The following CCDC142 variants were observed in gnomAD, a reference collection of about 807,000 sequenced individuals.
The protein encoded by CCDC142 is coiled-coil domain containing 142.
Under a neutral mutation model 83.8 loss-of-function variants are expected in CCDC142, and 67 were observed. The observed-to-expected ratio is 0.80, with a 90% confidence interval of 0.66 to 0.98. The LOEUF is 0.98. CCDC142 is among the 50% of genes least tolerant of loss of function. The pLI is 0.00. For synonymous variants in CCDC142, 421 were observed against 421.2 expected (o/e 1.00, Z 0.01); for missense variants, 905 against 946.8 (o/e 0.96, Z 0.58).
At position 74,481,925 on chromosome 2, in the gene CCDC142, A is replaced by G; in HGVS notation, c.913T>C (p.Tyr305His). ...CAGGCTGCCCACAGCAGGGTCCAGT[A>G]TTGGCTCCACAAGGCCCCAGCCCCT... ...LGGAGALWSQ[Y>H]WTLLWAACAQ... The change falls in exon 1 of 9, where the codon TAC (tyrosine) becomes CAC (histidine). Residue 305 changes from tyrosine (Y) to histidine (H), a missense_variant. Transcript: ENST00000393965. 1.9e-6 allele frequency: 3 copies of G among 1,614,048 alleles called. No homozygotes were observed. Among genetic ancestry groups the G allele is most frequent in the Non-Finnish European group, 2.5e-6 (3 of 1,180,010 alleles).
At position 74,475,712 on chromosome 2, in the gene CCDC142, C is replaced by T; in HGVS notation, c.1518G>A (p.Glu506=). ...LTAQIQLLPE[E]SLSVFSQECH... ...ATTCTTGAGAAAAGACACTTAGTGACTCTTCAGGCAGGAGCTGTAGGGATA... is the reference window on the plus strand; with the variant it reads ...ATTCTTGAGAAAAGACACTTAGTGATTCTTCAGGCAGGAGCTGTAGGGATA... The change falls in exon 6 of 9, where the codon GAG becomes GAA. Residue 506 remains glutamate, a synonymous_variant. Transcript: ENST00000393965. 6.2e-7 allele frequency: 1 copy of T among 1,612,688 alleles called. No homozygotes were observed. The highest frequency in any genetic ancestry group is 2.2e-5 in the East Asian group (1 of 44,866).
intron 5 of CCDC142, among the ~76,000 whole-genome samples, chr2:74,479,909 AGAG>A (rs1277133670): frequency 6.6e-6 from 1 of 152,214 alleles, no homozygotes; most frequent in Non-Finnish European, 1.5e-5. Context: ...AACTTTTAAG[AGAG>A]GAGAAATGTG....
intron 5 of CCDC142, among the ~76,000 whole-genome samples, chr2:74,477,355 T>C (rs1672346462): frequency 6.6e-6 from 1 of 152,178 alleles, no homozygotes; most frequent in Non-Finnish European, 1.5e-5. Flanking sequence ...TGACCTCAAG[T>C]TATCCACCCA....
chr2:74,481,051 G>A lies in CCDC142; in HGVS notation c.1294C>T (p.Gln432Ter). 6.2e-7 allele frequency: 1 copy of A among 1,614,054 alleles called. No homozygotes were observed. Among genetic ancestry groups the A allele is most frequent in the Non-Finnish European group, 8.5e-7 (1 of 1,179,996 alleles). Reference protein sequence around the residue: ...APVALGLCTLQTTLLWFLGRA... With the variant: ...APVALGLCTL ...CCCAGGAACCAGAGCAAGGTGGTCT[G>A]AAGGGTACAGAGACCTAGGGCGACA... Residue 432 changes from glutamine (Q) to a stop codon, truncating the protein, a stop_gained, in exon 4 of 9, where the codon CAG becomes TAG. Transcript: ENST00000393965. LOFTEE classifies it high-confidence loss of function.
intron 5 of CCDC142, among the ~76,000 whole-genome samples, chr2:74,476,465 G>A (rs1162887700): frequency 6.6e-6 from 1 of 152,150 alleles, no homozygotes; most frequent in Non-Finnish European, 1.5e-5. Context: ...GAGCCACTAA[G>A]CCACTACACC....
In CCDC142 at chr2:74,476,872, G is replaced by A. The variant is rs995995819; in HGVS notation, c.1504-1146C>T. On this transcript the variant is annotated intron_variant, in intron 5 of 8. Transcript: ENST00000393965. ...AGACCTGGGGGCGGCCAGACATGGA[G>A]TGGAGCCCATATGGCTCCTGGCACA... Among the ~76,000 whole-genome samples, 3 of 152,252 alleles carry A rather than the reference G, an allele frequency of 2.0e-5. No homozygotes were observed. In the South Asian group the frequency reaches 6.2e-4, roughly 32 times the overall value.
intron 5 of CCDC142, among the ~76,000 whole-genome samples, chr2:74,479,392 T>G (rs1178852533): frequency 6.6e-6 from 1 of 152,158 alleles, no homozygotes; most frequent in Admixed American, 6.5e-5. Flanking sequence ...TAGGAATAGA[T>G]AAATGTGCAA....
rs1033003879 is a variant in CCDC142, at chr2:74,480,992, T to G, written c.1353A>C (p.Pro451=). The G allele has an allele frequency of 1.2e-6, 2 of 1,614,128 alleles. No individual in the cohort carries two copies. Among genetic ancestry groups the G allele is most frequent in the East Asian group, 2.2e-5 (1 of 44,882 alleles). ...TTTGGATCAGGAGCAGGAAGGAAGC[T>G]GGGTCCCATGCTGCCAAGTACTGCT... is the stretch of plus-strand genomic sequence containing the variant. ...RAQQYLAAWD[P]ASFLLLIQKD... The change falls in exon 4 of 9, where the codon CCA becomes CCC. Residue 451 remains proline (P), a synonymous_variant. Coordinates refer to ENST00000393965, the MANE Select transcript of CCDC142 (RefSeq NM_001365575.2).
chr2:74,481,065 C>A lies in CCDC142; in HGVS notation c.1280G>T (p.Gly427Val), dbSNP rs1457112972. Residue 427 changes from glycine to valine, a missense_variant, in exon 4 of 9, where the codon GGT becomes GTT. Transcript: ENST00000393965. ...QPADPAPVAL[G>V]LCTLQTTLLW... ...CAAGGTGGTCTGAAGGGTACAGAGACCTAGGGCGACAGGCGCAGGATCTGG... is the reference window on the plus strand; with the variant it reads ...CAAGGTGGTCTGAAGGGTACAGAGAACTAGGGCGACAGGCGCAGGATCTGG... 1 of 1,613,692 alleles carries A rather than the reference C, an allele frequency of 6.2e-7. No individual in the cohort carries two copies. The highest frequency in any genetic ancestry group is 8.5e-7 in the Non-Finnish European group (1 of 1,179,706).
rs200851509 is a variant in CCDC142, at chr2:74,481,215, C to T, written c.1258+8G>A. On this transcript the variant is annotated splice_region_variant and intron_variant, in intron 3 of 8. Transcript: ENST00000393965. ...CTCTGTGTCCCCAGCCCCAGCCCCT[C>T]GTCTCACCTGCAGGCTGGCAGAAAA... is the stretch of plus-strand genomic sequence containing the variant. The T allele has an allele frequency of 1.6e-5, 26 of 1,613,916 alleles. No homozygotes were observed. The highest frequency in any genetic ancestry group is 1.0e-4 in the Admixed American group (6 of 59,990).
At position 74,474,705 on chromosome 2, in the gene CCDC142, G is replaced by A; in HGVS notation, c.2094C>T (p.Ala698=). ...EPPLQPGTSP[A]QTGQLQSTLG... is the part of the protein sequence containing the mutation. ...GTGTGCTTTGCAGCTGACCTGTCTG[G>A]GCTGGAGATGTTCCAGGCTGGAGCG... The change falls in exon 9 of 9, where the codon GCC becomes GCT. Residue 698 remains alanine, a synonymous_variant. Coordinates refer to ENST00000393965, the MANE Select transcript of CCDC142 (RefSeq NM_001365575.2). 1 of 1,614,218 alleles carries A rather than the reference G, an allele frequency of 6.2e-7. No homozygotes were observed. Among genetic ancestry groups the A allele is most frequent in the South Asian group, 1.1e-5 (1 of 91,088 alleles).
chr2:74,482,674 G>A lies in CCDC142; in HGVS notation c.164C>T (p.Pro55Leu), dbSNP rs753864503. ...CACATCCGCCGGCGTCGGCCACCAC[G>A]GCGTCCCTCCAGAAGTTCCGCTCGG... ...CWPSGTSGGT[P>L]WWPTPADVSE... Residue 55 changes from proline to leucine, a missense_variant, in exon 1 of 9, where the codon CCG becomes CTG. Coordinates refer to ENST00000393965, the MANE Select transcript of CCDC142 (RefSeq NM_001365575.2). The surrounding 1 kb of genome is among the most constrained non-coding windows in gnomAD (Gnocchi z 5.0). 1.6e-5 allele frequency: 25 copies of A among 1,610,738 alleles called. No individual in the cohort carries two copies. The highest frequency in any genetic ancestry group is 2.0e-5 in the Non-Finnish European group (24 of 1,179,954).
At chr2:74,475,180 T>C (rs758603935) in intron 7 of CCDC142, 45 bp downstream of exon 7, 1 of 1,613,636 alleles carries the variant, frequency 6.2e-7, no homozygotes, top group Non-Finnish European at 8.5e-7. Context: ...CCCTTCCTTT[T>C]CCCAGTTCCA....
rs1192039542 is a variant in CCDC142, at chr2:74,477,988, TA to T, written c.1504-2263del. On this transcript the variant is annotated intron_variant, in intron 5 of 8. Coordinates refer to ENST00000393965, the MANE Select transcript of CCDC142 (RefSeq NM_001365575.2). ...CTATGTCACGAGCCAAACTTCTAAT[TA>T]AAAAAAAAATATATATATATATAAA... 2.4e-3 allele frequency among the ~76,000 whole-genome samples: 312 copies of T among 132,056 alleles called. 3 individuals are homozygous for T. Among genetic ancestry groups the T allele is most frequent in the African/African-American group, 8.3e-3 (289 of 34,944 alleles). The allele number at this position is 132,056 out of a possible 152,430, so 86.6% of individuals were successfully genotyped here.
intron 5 of CCDC142, among the ~76,000 whole-genome samples, chr2:74,480,389 G>C (rs78287813): frequency 2.6e-5 from 4 of 152,134 alleles, no homozygotes; most frequent in African/African-American, 9.7e-5. Flanking sequence ...AAGGGTCCGA[G>C]ACCAGATTGG....
In CCDC142 at chr2:74,475,639, G is replaced by A. The variant is rs1170827189; in HGVS notation, c.1591C>T (p.Arg531Trp). The change falls in exon 6 of 9, where the codon CGG becomes TGG. Residue 531 changes from arginine (R) to tryptophan (W), a missense_variant. Arg to Trp is a moderately radical substitution (Grantham distance 101). Transcript: ENST00000393965. The stretch of plus-strand genomic sequence containing the variant: ...GGACAGAGACGAAGCCGCCAGTACC[G>A]ACCCCGTGGCATGTAGAGCTTGAAA... ...QGFKLYMPRG[R>W]YWRLRLCPEP... The A allele has an allele frequency of 1.9e-5, 31 of 1,613,876 alleles. No individual in the cohort carries two copies. Among genetic ancestry groups the A allele is most frequent in the African/African-American group, 4.0e-5 (3 of 74,888 alleles).
Position 74,481,241 on chromosome 2 carries a change from T to C in CCDC142, c.1240A>G (p.Ile414Val), listed in dbSNP as rs756382463. The C allele has an allele frequency of 6.8e-6, 11 of 1,613,620 alleles. No individual in the cohort carries two copies. In the East Asian group the frequency reaches 2.5e-4, roughly 36 times the overall value. Residue 414 changes from isoleucine to valine, a missense_variant, in exon 3 of 9, where the codon ATT becomes GTT. Coordinates refer to ENST00000393965, the MANE Select transcript of CCDC142 (RefSeq NM_001365575.2). Reference sequence around the variant, plus strand: ...GTCTCACCTGCAGGCTGGCAGAAAATCCGTCGTAACCTGGGCTCTCGAAGG... The same window carrying C: ...GTCTCACCTGCAGGCTGGCAGAAAACCCGTCGTAACCTGGGCTCTCGAAGG... ...DALREPRLRR[I>V]FCQPADPAPV...
Position 74,474,911 on chromosome 2 carries a change from C to A in CCDC142, c.1996+5G>T. ...CAAAGCAGTGAGCGAAGGGGAGTAA[C>A]TCACAGCAACAGGGGGGCCTCCTGT... is the stretch of plus-strand genomic sequence containing the variant. On this transcript the variant is annotated splice_donor_5th_base_variant and intron_variant, in intron 8 of 8. Coordinates refer to ENST00000393965, the MANE Select transcript of CCDC142 (RefSeq NM_001365575.2). 1 of 1,588,918 alleles carries A rather than the reference C, an allele frequency of 6.3e-7. No homozygotes were observed. The highest frequency in any genetic ancestry group is 8.6e-7 in the Non-Finnish European group (1 of 1,166,468).
At chr2:74,476,090 C>G in intron 5 of CCDC142, among the ~76,000 whole-genome samples, 1 of 143,968 alleles carries the variant, frequency 6.9e-6, no homozygotes, top group South Asian at 2.3e-4. Context: ...CACACACACA[C>G]ACACACACAC....
Sources: gnomAD v4.1 joint callset for allele counts (sites outside exome capture counted in the v4.1 genomes callset) on GRCh38, gnomAD v4.1.1 for gene constraint, Gnocchi (gnomAD v3.1) non-coding constraint, MANE v1.5 for transcripts, NCBI Gene and HGNC (gene_info 2026-07-23, HGNC 2026-07-21) for gene names.